The following RWDD2B variants were observed in gnomAD, a reference collection of about 807,000 sequenced individuals.
RWDD2B encodes RWD domain containing 2B.
RWDD2B carries 36 observed loss-of-function variants against 33.6 expected under a neutral mutation model. The ratio of observed to expected loss-of-function variants is 1.07; its 90% CI spans 0.82 to 1.42. The LOEUF (loss-of-function observed/expected upper bound fraction) is 1.42. RWDD2B is among the 40% of genes most tolerant of loss of function. The probability of loss-of-function intolerance (pLI) is 0.00; values close to 1 mark genes in which losing one functional copy is unlikely to be tolerated. For missense variants in RWDD2B, 364 were observed against 377.5 expected, an observed-to-expected ratio of 0.96 and a Z score of 0.30; for synonymous variants, 126 against 133.1, an observed-to-expected ratio of 0.95 and a Z score of 0.37.
rs1056638847 is a variant in RWDD2B, at chr21:29,008,317, G to A, written c.295-10C>T. 6.2e-7 allele frequency: 1 copy of A among 1,614,024 alleles called. No individual in the cohort carries two copies. Among genetic ancestry groups the A allele is most frequent in the Non-Finnish European group, 8.5e-7 (1 of 1,179,880 alleles). On this transcript the variant is annotated splice_polypyrimidine_tract_variant and intron_variant, in intron 2 of 4. Coordinates refer to ENST00000493196, the MANE Select transcript of RWDD2B (RefSeq NM_016940.3). ...CCAGAGAAAACATCGCCTGATTAAAGAGAAGAAGAAAAAGTGCACTAACCA... is the reference window on the plus strand; with the variant it reads ...CCAGAGAAAACATCGCCTGATTAAAAAGAAGAAGAAAAAGTGCACTAACCA...
intron 1 of RWDD2B, among the ~76,000 whole-genome samples, chr21:29,015,477 C>T (rs1309285695): frequency 2.0e-5 from 3 of 148,958 alleles, no homozygotes; most frequent in South Asian, 2.1e-4. Flanking sequence ...GATCCACCCG[C>T]GTTGGCCTCC....
rs2084819295 is a variant in RWDD2B, at chr21:29,004,488, T to G, written c.*1929A>C. On this transcript the variant is annotated 3_prime_UTR_variant, in exon 5 of 5. Transcript: ENST00000493196. ...ACTGAAAAAGTTTTAGCAGTTTAGCTGCCACTTTAGCTGCTTAAAGTAATA... is the reference window on the plus strand; with the variant it reads ...ACTGAAAAAGTTTTAGCAGTTTAGCGGCCACTTTAGCTGCTTAAAGTAATA... 6.6e-6 allele frequency: 1 copy of G among 152,260 alleles called. No homozygotes were observed. The highest frequency in any genetic ancestry group is 1.5e-5 in the Non-Finnish European group (1 of 68,040). 9.4% of individuals were successfully genotyped at this position (152,260 alleles called of 1,614,324 possible).
At chr21:29,014,689 C>T (rs1216805889) in intron 1 of RWDD2B, among the ~76,000 whole-genome samples, 10 of 152,166 alleles carry the variant, frequency 6.6e-5, no homozygotes, top group African/African-American at 1.7e-4. Flanking sequence ...GGCGTGGTGG[C>T]GGGCACCTGT....
intron 1 of RWDD2B, among the ~76,000 whole-genome samples, chr21:29,016,683 G>A (rs1349360993): frequency 1.3e-5 from 2 of 152,192 alleles, no homozygotes; most frequent in Non-Finnish European, 2.9e-5. Flanking sequence ...CTACTTGGGT[G>A]GTTATTAGAG....
chr21:29,008,393 A>C lies in RWDD2B; in HGVS notation c.294+2T>G. The C allele has an allele frequency of 3.1e-6, 5 of 1,613,798 alleles. No individual in the cohort carries two copies. Among genetic ancestry groups the C allele is most frequent in the Non-Finnish European group, 4.2e-6 (5 of 1,179,698 alleles). On this transcript the variant is annotated splice_donor_variant, in intron 2 of 4. Coordinates refer to ENST00000493196, the MANE Select transcript of RWDD2B (RefSeq NM_016940.3). LOFTEE classifies it high-confidence loss of function. ...ATCCCTCTAAAAGCAAAACTGAATT[A>C]CCATTTTTTCGTCAGATACATCCAG...
chr21:29,011,854 C>T (rs1361341135), intron 1 of RWDD2B, among the ~76,000 whole-genome samples: 2 of 127,420 alleles, frequency 1.6e-5, no homozygotes, highest in Non-Finnish European at 1.7e-5. Context: ...AGTGAGGAGC[C>T]CCTCTGCCCG....
intron 1 of RWDD2B, among the ~76,000 whole-genome samples, chr21:29,011,522 G>A (rs1227273254): frequency 2.7e-5 from 4 of 147,340 alleles, no homozygotes; most frequent in African/African-American, 1.0e-4. Context: ...CAGCCACCTC[G>A]TCCGGAAGGG....
At chr21:29,014,736 G>C (rs2146340236) in intron 1 of RWDD2B, among the ~76,000 whole-genome samples, 1 of 152,290 alleles carries the variant, frequency 6.6e-6, no homozygotes, top group Non-Finnish European at 1.5e-5. Context: ...CAGGAGAATG[G>C]CGTGAACCCA....
intron 1 of RWDD2B, among the ~76,000 whole-genome samples, chr21:29,015,411 A>T (rs758163424): frequency 2.0e-4 from 30 of 149,040 alleles, no homozygotes; most frequent in Non-Finnish European, 3.3e-4. Context: ...TTGTATTTTT[A>T]GTAGAGATGG....
chr21:29,008,518 T>G lies in RWDD2B; in HGVS notation c.171A>C (p.Ile57=), dbSNP rs2084840908. The G allele has an allele frequency of 6.2e-7, 1 of 1,614,182 alleles. No homozygotes were observed. The highest frequency in any genetic ancestry group is 8.5e-7 in the Non-Finnish European group (1 of 1,179,996). ...CTGCTACAGCCAGCTGGTCATTCAC[T>G]ATGAGCTCATTCTCACCAGGGAACA... The part of the protein sequence containing the change: ...ASMFPGENEL[I]VNDQLAVAEL... The change falls in exon 2 of 5, where the codon ATA becomes ATC. Residue 57 remains isoleucine (I), a synonymous_variant. Transcript: ENST00000493196.
At chr21:29,007,711 T>C (rs1942862989) in intron 4 of RWDD2B, 50 bp downstream of exon 4, 6 of 1,560,784 alleles carry the variant, frequency 3.8e-6, no homozygotes, top group African/African-American at 2.7e-5. Flanking sequence ...TGTATCTTGT[T>C]TAGTATTAAC....
intron 1 of RWDD2B, among the ~76,000 whole-genome samples, chr21:29,013,047 C>CTTTT (rs552941963): frequency 7.2e-6 from 1 of 139,174 alleles, no homozygotes; most frequent in Non-Finnish European, 1.6e-5. Context: ...TCCTAATACT[C>CTTTT]TTTTTTTTTT....
Position 29,006,440 on chromosome 21 carries a change from A to T in RWDD2B, c.937T>A (p.Phe313Ile). The change falls in exon 5 of 5, where the codon TTC becomes ATC. Residue 313 changes from phenylalanine to isoleucine, a missense_variant. Coordinates refer to ENST00000493196, the MANE Select transcript of RWDD2B (RefSeq NM_016940.3). ...TKGCGDVFQM[F>I]FGVEGQ ...TGTCATTGTCCTTCTACACCAAAGA[A>T]CATCTGGAAAACATCCCCACATCCT... 1 of 1,612,062 alleles carries T rather than the reference A, an allele frequency of 6.2e-7. No homozygotes were observed. Among genetic ancestry groups the T allele is most frequent in the South Asian group, 1.1e-5 (1 of 90,556 alleles).
intron 1 of RWDD2B, among the ~76,000 whole-genome samples, chr21:29,011,549 GC>G (rs1209892417): frequency 6.7e-6 from 1 of 148,786 alleles, no homozygotes; most frequent in East Asian, 2.1e-4. Context: ...GGGGGGGTCA[GC>G]CCCCCGCCCG....
chr21:29,013,037 T>C (rs1291190880), intron 1 of RWDD2B, among the ~76,000 whole-genome samples: 1 of 151,766 alleles, frequency 6.6e-6, no homozygotes, highest in Non-Finnish European at 1.5e-5. Flanking sequence ...TAATATCATG[T>C]CCTAATACTC....
At position 29,015,224 on chromosome 21, in the gene RWDD2B, GTTTTTT is replaced by G. The variant is rs71189334; in HGVS notation, c.67+3981_67+3986del. On this transcript the variant is annotated intron_variant, in intron 1 of 4. Transcript: ENST00000493196. ...GTTTTCAGAAGTTTGATTATGATGC[GTTTTTT>G]TTTTTTTTTTTTTTTTTGAGATGGG... Among the ~76,000 whole-genome samples, 14 of 64,814 alleles carry G rather than the reference GTTTTTT, an allele frequency of 2.2e-4. No homozygotes were observed. In the East Asian group the frequency reaches 3.6e-3, roughly 17 times the overall value. The allele number at this position is 64,814 out of a possible 152,430, so 42.5% of individuals were successfully genotyped here.
chr21:29,018,779 C>T (rs181444230), intron 1 of RWDD2B, among the ~76,000 whole-genome samples: 60 of 152,256 alleles, frequency 3.9e-4, no homozygotes, highest in African/African-American at 1.3e-3. Context: ...CTGCTTGAGC[C>T]CAGGAGTTCA....
At chr21:29,017,425 A>T (rs1026904614) in intron 1 of RWDD2B, among the ~76,000 whole-genome samples, 2 of 151,884 alleles carry the variant, frequency 1.3e-5, no homozygotes, top group African/African-American at 4.8e-5. Context: ...CAGCCTGGCC[A>T]ACATGATGAA....
intron 1 of RWDD2B, among the ~76,000 whole-genome samples, chr21:29,010,716 G>C (rs1300521449): frequency 3.3e-5 from 5 of 150,808 alleles, no homozygotes; most frequent in African/African-American, 9.7e-5. Flanking sequence ...CTCTGATTCC[G>C]AGCCGAAGCT....
Sources: gnomAD v4.1 joint callset for allele counts (sites outside exome capture counted in the v4.1 genomes callset) on GRCh38, gnomAD v4.1.1 for gene constraint, MANE v1.5 for transcripts, NCBI Gene and HGNC (gene_info 2026-07-23, HGNC 2026-07-21) for gene names.